SLC9C1: variants seen among roughly 807,000 people sequenced by gnomAD.
The protein encoded by SLC9C1 is solute carrier family 9 member C1, also known as sodium/hydrogen exchanger 10.
A neutral mutation model predicts 140.9 loss-of-function variants in SLC9C1; 97 were observed. That is an observed-to-expected ratio of 0.69 (90% confidence interval 0.58 to 0.82). The LOEUF is 0.82. Ranked by LOEUF, SLC9C1 falls within the 40% of genes least tolerant of loss-of-function variation. SLC9C1 has a pLI of 0.00. For synonymous variants in SLC9C1, 440 were observed against 442.6 expected (o/e 0.99, Z 0.07); for missense variants, 1,340 against 1,389.3 (o/e 0.96, Z 0.56).
At chr3:112,225,567 CA>C (rs776403526) in intron 13 of SLC9C1, among the ~76,000 whole-genome samples, 4 of 151,190 alleles carry the variant, frequency 2.6e-5, no homozygotes, top group Non-Finnish European at 4.4e-5. Flanking sequence ...TGACACCTTT[CA>C]ATAATATCCC....
intron 26 of SLC9C1, among the ~76,000 whole-genome samples, chr3:112,159,204 C>T (rs2107878116): frequency 6.6e-6 from 1 of 151,546 alleles, no homozygotes; most frequent in East Asian, 1.9e-4. Context: ...TTCCCATTTT[C>T]ATTTATTTCA....
intron 7 of SLC9C1, among the ~76,000 whole-genome samples, chr3:112,266,605 C>T (rs4571212): frequency 0.59 from 90,002 of 152,014 alleles, 27,158 homozygotes; most frequent in East Asian, 0.79. Context: ...GGCTAGAGCA[C>T]ACTTTAGAGG....
At chr3:112,224,151 G>T (rs532008862) in intron 13 of SLC9C1, among the ~76,000 whole-genome samples, 1 of 152,314 alleles carries the variant, frequency 6.6e-6, no homozygotes, top group East Asian at 1.9e-4. Flanking sequence ...CACATAGGTA[G>T]ACCAGCCACA....
chr3:112,219,947 T>C (rs1180906917), intron 14 of SLC9C1, among the ~76,000 whole-genome samples: 1 of 152,166 alleles, frequency 6.6e-6, no homozygotes, highest in Non-Finnish European at 1.5e-5. Flanking sequence ...TATTAAAAAC[T>C]TCCACTGTAC....
chr3:112,277,172 CT>C (rs1242886782), intron 5 of SLC9C1, among the ~76,000 whole-genome samples: 2 of 151,912 alleles, frequency 1.3e-5, no homozygotes, highest in East Asian at 3.8e-4. Flanking sequence ...TGGTATTTTA[CT>C]TTTAAATATA....
chr3:112,158,308 T>G (rs2075184161), intron 26 of SLC9C1, among the ~76,000 whole-genome samples: 1 of 152,090 alleles, frequency 6.6e-6, no homozygotes, highest in Admixed American at 6.6e-5. Context: ...TCTGTTGATG[T>G]AATACATCAC....
intron 10 of SLC9C1, among the ~76,000 whole-genome samples, chr3:112,259,762 TGAACCTAAAATAAAG>T (rs1278515198): frequency 6.6e-6 from 1 of 152,208 alleles, no homozygotes; most frequent in Non-Finnish European, 1.5e-5. Flanking sequence ...CATGTATCCC[TGAACCTAAAATAAAG>T]TTTTACAAAA....
chr3:112,279,100 C>T (rs1379247741), intron 3 of SLC9C1, among the ~76,000 whole-genome samples: 1 of 152,182 alleles, frequency 6.6e-6, no homozygotes, highest in South Asian at 2.1e-4. Context: ...CATGCAATAA[C>T]TAATAAACAA....
chr3:112,200,787 C>A (rs1402149773), intron 18 of SLC9C1, 25 bp from the exon 19 acceptor site: 2 of 1,582,106 alleles, frequency 1.3e-6, no homozygotes, highest in Non-Finnish European at 1.7e-6. Flanking sequence ...AAATGTTATC[C>A]CCATTGGAAA....
chr3:112,254,987 A>C (rs145426582), intron 10 of SLC9C1, among the ~76,000 whole-genome samples: 1,794 of 152,282 alleles, frequency 0.012, 25 homozygotes, highest in Non-Finnish European at 0.019. Flanking sequence ...AAACACAAAG[A>C]AGGGCATTAC....
chr3:112,226,027 A>T (rs753488694), intron 13 of SLC9C1, among the ~76,000 whole-genome samples: 1 of 152,180 alleles, frequency 6.6e-6, no homozygotes, highest in Non-Finnish European at 1.5e-5. Flanking sequence ...AAATCAACAA[A>T]GAAACTTTGG....
chr3:112,166,425 C>A (rs536353294), intron 26 of SLC9C1, among the ~76,000 whole-genome samples: 1 of 152,302 alleles, frequency 6.6e-6, no homozygotes, highest in African/African-American at 2.4e-5. Flanking sequence ...ATCCTTCGAG[C>A]TGGAGAGCTC....
At chr3:112,188,177 A>AC (rs1206219716) in intron 20 of SLC9C1, among the ~76,000 whole-genome samples, 14 of 152,282 alleles carry the variant, frequency 9.2e-5, no homozygotes, top group Admixed American at 7.8e-4. Context: ...TTCTTGAATA[A>AC]CTGTAGATTC....
At chr3:112,291,105 T>C (rs2080669029) in intron 1 of SLC9C1, among the ~76,000 whole-genome samples, 1 of 152,214 alleles carries the variant, frequency 6.6e-6, no homozygotes, top group Admixed American at 6.5e-5. Flanking sequence ...CTGGTGATTA[T>C]GCAGACTTGA....
chr3:112,283,524 T>G (rs370739945), intron 2 of SLC9C1, among the ~76,000 whole-genome samples: 1 of 151,496 alleles, frequency 6.6e-6, no homozygotes, highest in Non-Finnish European at 1.5e-5. Context: ...CAAATCCTAA[T>G]TTGAAGAATT....
At chr3:112,166,671 CTAT>C (rs899659322) in intron 26 of SLC9C1, among the ~76,000 whole-genome samples, 90 of 151,926 alleles carry the variant, frequency 5.9e-4, no homozygotes, top group Middle Eastern at 3.4e-3. Context: ...CAATTAAATT[CTAT>C]TATTATTACT....
chr3:112,194,732 A>G (rs2077734326), intron 20 of SLC9C1, among the ~76,000 whole-genome samples: 1 of 151,688 alleles, frequency 6.6e-6, no homozygotes, highest in African/African-American at 2.4e-5. Context: ...AGGTTATATC[A>G]TTTTACTTTT....
intron 26 of SLC9C1, among the ~76,000 whole-genome samples, chr3:112,165,272 C>A (rs544438755): frequency 2.6e-5 from 4 of 152,196 alleles, no homozygotes; most frequent in Non-Finnish European, 5.9e-5. Context: ...TCTCTCAACT[C>A]GTCAAAGTCA....
chr3:112,281,726 A>G (rs931424400), intron 2 of SLC9C1, among the ~76,000 whole-genome samples: 1 of 152,256 alleles, frequency 6.6e-6, no homozygotes, highest in Non-Finnish European at 1.5e-5. Flanking sequence ...TGAAGCATTA[A>G]GAAGAATAAG....
Sources: allele counts gnomAD v4.1 joint callset (sites outside exome capture counted in the v4.1 genomes callset), GRCh38; gene constraint gnomAD v4.1.1; transcripts MANE v1.5; gene names NCBI Gene and HGNC (gene_info 2026-07-23, HGNC 2026-07-21).